Variants in UGT2A1 observed in about 807,000 individuals in gnomAD.
The protein encoded by UGT2A1 is UDP glucuronosyltransferase family 2 member A1 complex locus, also known as UDP-glucuronosyltransferase 2A1.
Under a neutral mutation model 45.4 loss-of-function variants are expected in UGT2A1, and 61 were observed. That is an observed-to-expected ratio of 1.34 (90% confidence interval 1.09 to 1.66). The LOEUF (loss-of-function observed/expected upper bound fraction) is 1.66, where lower values mean the gene tolerates loss of function less well. UGT2A1 is among the 40% of genes most tolerant of loss of function. The pLI is 0.00. For synonymous variants in UGT2A1, 229 were observed against 196.2 expected, an observed-to-expected ratio of 1.17 and a Z score of -1.40; for missense variants, 649 against 574.3, an observed-to-expected ratio of 1.13 and a Z score of -1.33.
chr4:69,601,332 C>T (rs1047993642), intron 3 of UGT2A1, among the ~76,000 whole-genome samples: 1 of 152,132 alleles, frequency 6.6e-6, no homozygotes, highest in Non-Finnish European at 1.5e-5. Context: ...TGCACCTGCC[C>T]TGGTGGCTTA....
At chr4:69,596,505 C>T in intron 4 of UGT2A1, 4 of 1,283,260 alleles carry the variant, frequency 3.1e-6, no homozygotes, top group Non-Finnish European at 4.0e-6. Flanking sequence ...TGTCTGTCTT[C>T]TGACATGTAG....
At chr4:69,610,860 TG>T (rs1464837650) in intron 3 of UGT2A1, among the ~76,000 whole-genome samples, 3 of 152,192 alleles carry the variant, frequency 2.0e-5, no homozygotes, top group South Asian at 4.1e-4. Context: ...TGTATTAGTT[TG>T]CTAGCACTGC....
chr4:69,638,337 ATG>A (rs1260265815), intron 2 of UGT2A1, among the ~76,000 whole-genome samples: 1 of 152,148 alleles, frequency 6.6e-6, no homozygotes, highest in Non-Finnish European at 1.5e-5. Context: ...CTCATAAGGA[ATG>A]TTTCATGCAA....
rs1007356827 is a variant in UGT2A1, at chr4:69,645,410, G to A, written c.715+1520C>T. Among the ~76,000 whole-genome samples, 169 of 151,872 alleles carry A rather than the reference G, an allele frequency of 1.1e-3. 1 individual carries two copies. The highest frequency in any genetic ancestry group is 4.0e-3 in the African/African-American group (165 of 41,508). On this transcript the variant is annotated intron_variant, in intron 2 of 6. Coordinates refer to ENST00000286604, the MANE Select transcript of UGT2A1 (RefSeq NM_001252275.3). ...CTAATTTAGTCCTTTTAGTAGCCCT[G>A]TCAGAGATGAGATAAATGAAGTTCA...
intron 1 of UGT2A1, among the ~76,000 whole-genome samples, chr4:69,651,356 T>G (rs186986927): frequency 3.3e-5 from 5 of 152,154 alleles, no homozygotes; most frequent in Admixed American, 3.3e-4. Flanking sequence ...TATCAAAACA[T>G]CACAAATATG....
intron 2 of UGT2A1, chr4:69,639,261 A>G: frequency 6.2e-7 from 1 of 1,613,706 alleles, no homozygotes; most frequent in Non-Finnish European, 8.5e-7. Context: ...AATTTGAAAG[A>G]AAGTGTCTAG....
At chr4:69,652,020 T>C (rs971378454) in intron 1 of UGT2A1, among the ~76,000 whole-genome samples, 40 of 152,304 alleles carry the variant, frequency 2.6e-4, no homozygotes, top group African/African-American at 9.4e-4. Context: ...CTTTCTTTCC[T>C]GTTCTAAAGC....
intron 3 of UGT2A1, among the ~76,000 whole-genome samples, chr4:69,601,350 G>T (rs1308203732): frequency 6.6e-6 from 1 of 152,110 alleles, no homozygotes; most frequent in African/African-American, 2.4e-5. Context: ...TTAACAGAAA[G>T]GACAGAGAAT....
intron 3 of UGT2A1, among the ~76,000 whole-genome samples, chr4:69,603,899 A>C (rs1719449532): frequency 7.3e-6 from 1 of 136,648 alleles, no homozygotes; most frequent in South Asian, 2.4e-4. Context: ...CAAAGCCTCC[A>C]AGAAATATGG....
chr4:69,622,870 A>G (rs780163401), intron 3 of UGT2A1, among the ~76,000 whole-genome samples: 2 of 151,792 alleles, frequency 1.3e-5, no homozygotes, highest in Admixed American at 1.3e-4. Context: ...TTTCCTGACA[A>G]AAATTGCTAA....
At chr4:69,619,464 G>A (rs1368201523) in intron 3 of UGT2A1, among the ~76,000 whole-genome samples, 1 of 150,028 alleles carries the variant, frequency 6.7e-6, no homozygotes, top group Non-Finnish European at 1.5e-5. Context: ...ATATACAAAA[G>A]TAAATTGCAG....
chr4:69,647,815 G>T, intron 1 of UGT2A1, 117 bp from the exon 2 acceptor site: 4 of 465,256 alleles, frequency 8.6e-6, no homozygotes, highest in East Asian at 3.4e-5. Context: ...CCATATTTTA[G>T]GATATTTACA....
At position 69,588,645 on chromosome 4, in the gene UGT2A1, GA is replaced by G. The variant is rs1279077220; in HGVS notation, c.*726del. 2 of 151,668 alleles carry G rather than the reference GA, an allele frequency of 1.3e-5. No individual in the cohort carries two copies. Among genetic ancestry groups the G allele is most frequent in the African/African-American group, 4.8e-5 (2 of 41,284 alleles). 9.4% of individuals were successfully genotyped at this position (151,668 alleles called of 1,614,324 possible). On this transcript the variant is annotated 3_prime_UTR_variant, in exon 7 of 7. Coordinates refer to ENST00000286604, the MANE Select transcript of UGT2A1 (RefSeq NM_001252275.3). ...CTGTTCACCTTCAACATATAACATAGAACTTTCTCCTTGAAATAAAAGAGTC... is the reference window on the plus strand; with the variant it reads ...CTGTTCACCTTCAACATATAACATAGACTTTCTCCTTGAAATAAAAGAGTC...
At chr4:69,596,786 T>A (rs1718959342) in intron 4 of UGT2A1, among the ~76,000 whole-genome samples, 1 of 152,202 alleles carries the variant, frequency 6.6e-6, no homozygotes, top group South Asian at 2.1e-4. Context: ...TCTCCCAAAG[T>A]GCTGGAATTA....
At chr4:69,652,865 A>C (rs1400202964) in intron 1 of UGT2A1, among the ~76,000 whole-genome samples, 1 of 152,168 alleles carries the variant, frequency 6.6e-6, no homozygotes, top group Non-Finnish European at 1.5e-5. Flanking sequence ...GAAGGAACAA[A>C]CAACTCTCCA....
chr4:69,640,572 A>C (rs1275951178), intron 2 of UGT2A1, among the ~76,000 whole-genome samples: 1 of 151,916 alleles, frequency 6.6e-6, no homozygotes, highest in African/African-American at 2.4e-5. Flanking sequence ...AAATCATTAC[A>C]GGCTACCATT....
chr4:69,615,956 C>T (rs1488671558), intron 3 of UGT2A1, among the ~76,000 whole-genome samples: 2 of 152,026 alleles, frequency 1.3e-5, no homozygotes, highest in African/African-American at 2.4e-5. Context: ...TATCTGTACA[C>T]CCATGTTTAT....
chr4:69,629,658 T>A (rs1721279639), intron 3 of UGT2A1, among the ~76,000 whole-genome samples: 1 of 152,014 alleles, frequency 6.6e-6, no homozygotes, highest in African/African-American at 2.4e-5. Flanking sequence ...CACATATCAT[T>A]TCTAGGAATA....
At chr4:69,612,256 C>T (rs1467229345) in intron 3 of UGT2A1, among the ~76,000 whole-genome samples, 2 of 151,612 alleles carry the variant, frequency 1.3e-5, no homozygotes, top group Admixed American at 6.6e-5. Flanking sequence ...AAAATTATTC[C>T]ATATACTATC....
Sources: gnomAD v4.1 joint callset for allele counts (sites outside exome capture counted in the v4.1 genomes callset) on GRCh38, gnomAD v4.1.1 for gene constraint, MANE v1.5 for transcripts, NCBI Gene and HGNC (gene_info 2026-07-23, HGNC 2026-07-21) for gene names.